Variants in RALYL observed in about 807,000 individuals in gnomAD.
RALYL encodes RNA-binding Raly-like protein.
A neutral mutation model predicts 35.1 loss-of-function variants in RALYL; 29 were observed. That is an observed-to-expected ratio of 0.83 (90% confidence interval 0.61 to 1.13). RALYL has a LOEUF of 1.13. RALYL is among the 50% of genes most tolerant of loss of function. The probability of loss-of-function intolerance (pLI) is 0.00; values close to 1 mark genes in which losing one functional copy is unlikely to be tolerated. For synonymous variants in RALYL, 120 were observed against 127.6 expected (o/e 0.94, Z 0.40); for missense variants, 359 against 360.4 (o/e 1.00, Z 0.03).
chr8:84,836,681 A>C (rs781623226), intron 4 of RALYL, among the ~76,000 whole-genome samples: 2 of 152,226 alleles, frequency 1.3e-5, no homozygotes, highest in Non-Finnish European at 2.9e-5. Context: ...GTTTAACTTT[A>C]GATACTCTGA....
intron 4 of RALYL, among the ~76,000 whole-genome samples, chr8:84,826,912 T>A (rs2134317552): frequency 6.6e-6 from 1 of 151,414 alleles, no homozygotes; most frequent in Admixed American, 6.6e-5. Context: ...CCAGAGAAAA[T>A]CAGATTTCCA....
intron 1 of RALYL, among the ~76,000 whole-genome samples, chr8:84,407,569 T>A (rs1235271395): frequency 6.6e-6 from 1 of 152,118 alleles, no homozygotes; most frequent in Admixed American, 6.6e-5. Context: ...ATACTTTACA[T>A]ATCTCTTGAG....
intron 4 of RALYL, among the ~76,000 whole-genome samples, chr8:84,825,300 A>G (rs1829426121): frequency 6.6e-6 from 1 of 152,108 alleles, no homozygotes; most frequent in Middle Eastern, 3.2e-3. Context: ...ATGAAATACC[A>G]TCTCACAGCA....
At chr8:84,463,998 T>C (rs2051167012) in intron 1 of RALYL, among the ~76,000 whole-genome samples, 1 of 152,068 alleles carries the variant, frequency 6.6e-6, no homozygotes, top group Non-Finnish European at 1.5e-5. Context: ...GTGGCTTCCT[T>C]CACTTGTCAT....
rs113901300 is a variant in RALYL at position 84,298,594 on chromosome 8, T to C, written c.-24+114170T>C. Among the ~76,000 whole-genome samples the C allele has an allele frequency of 4.2e-4, 64 of 152,130 alleles. 1 individual carries two copies. Among genetic ancestry groups the C allele is most frequent in the African/African-American group, 1.5e-3 (63 of 41,544 alleles). ...TAGTCTTTTCTAATTCAGTGAAAAA[T>C]GTCATTGGTGGGTTTGTTAGGAATA... On this transcript the variant is annotated intron_variant, in intron 1 of 8. Transcript: ENST00000521268.
chr8:84,842,063 G>A (rs930184491), intron 4 of RALYL, among the ~76,000 whole-genome samples: 4 of 152,062 alleles, frequency 2.6e-5, no homozygotes, highest in African/African-American at 9.7e-5. Flanking sequence ...AAGAACTAGA[G>A]AAGCAAGAGC....
intron 8 of RALYL, among the ~76,000 whole-genome samples, chr8:84,894,858 G>A (rs1487998037): frequency 1.3e-5 from 2 of 152,184 alleles, no homozygotes. Context: ...CTCTCCTGGA[G>A]GTTGGATGGC....
chr8:84,670,699 T>C (rs1295222087), intron 2 of RALYL, among the ~76,000 whole-genome samples: 2 of 152,132 alleles, frequency 1.3e-5, no homozygotes, highest in Non-Finnish European at 2.9e-5. Flanking sequence ...TTAATCACTA[T>C]CATGAGAACA....
intron 7 of RALYL, among the ~76,000 whole-genome samples, chr8:84,885,331 CCTT>C (rs1842780904): frequency 6.6e-6 from 1 of 151,978 alleles, no homozygotes; most frequent in Non-Finnish European, 1.5e-5. Context: ...CTCAGTTTTA[CCTT>C]CTTAAATTGG....
In RALYL at chr8:84,495,438, A is replaced by T. The variant is rs749231580; in HGVS notation, c.-23-33861A>T. ...TTATTAAAAGCCCAATTGATTTAAA[A>T]TTTTTTATTTTCTGTTTTAATTGTA... On this transcript the variant is annotated intron_variant, in intron 1 of 8. Transcript: ENST00000521268. 9.9e-4 allele frequency among the ~76,000 whole-genome samples: 150 copies of T among 152,156 alleles called. 3 individuals are homozygous for T. Among genetic ancestry groups the T allele is most frequent in the Non-Finnish European group, 3.7e-4 (25 of 67,964 alleles).
intron 2 of RALYL, among the ~76,000 whole-genome samples, chr8:84,531,279 G>A (rs1449618920): frequency 6.6e-6 from 1 of 152,064 alleles, no homozygotes; most frequent in Admixed American, 6.6e-5. Flanking sequence ...AAACTATTTG[G>A]GAAGGTATGA....
At chr8:84,318,065 T>G (rs2130263501) in intron 1 of RALYL, among the ~76,000 whole-genome samples, 1 of 152,344 alleles carries the variant, frequency 6.6e-6, no homozygotes, top group South Asian at 2.1e-4. Context: ...CATGTCTACC[T>G]TAATTTACTA....
intron 1 of RALYL, among the ~76,000 whole-genome samples, chr8:84,348,685 A>G (rs1279971758): frequency 1.3e-5 from 2 of 152,276 alleles, no homozygotes; most frequent in East Asian, 1.9e-4. Context: ...CTCAAAAGGT[A>G]TTCAATTTAA....
At chr8:84,802,744 G>T (rs773124452) in intron 3 of RALYL, among the ~76,000 whole-genome samples, 12 of 152,314 alleles carry the variant, frequency 7.9e-5, no homozygotes, top group Non-Finnish European at 1.6e-4. Flanking sequence ...CCCTAAAGTG[G>T]TGCAATGCAG....
intron 1 of RALYL, among the ~76,000 whole-genome samples, chr8:84,519,273 C>T (rs1205547390): frequency 6.6e-6 from 1 of 152,098 alleles, no homozygotes; most frequent in East Asian, 1.9e-4. Flanking sequence ...ATTTGCGGAT[C>T]TTATAATTTA....
rs748633517 is a variant in RALYL at position 84,352,492 on chromosome 8, C to G, written c.-24+168068C>G. Reference sequence around the variant, plus strand: ...GTAATATTCCTGAGAGTGTATACCACTTTTGTTCCTATTTTACAAATGAGG... The same window carrying G: ...GTAATATTCCTGAGAGTGTATACCAGTTTTGTTCCTATTTTACAAATGAGG... On this transcript the variant is annotated intron_variant, in intron 1 of 8. Transcript: ENST00000521268. 2.6e-4 allele frequency among the ~76,000 whole-genome samples: 39 copies of G among 150,364 alleles called. 2 individuals carry two copies. The highest frequency in any genetic ancestry group is 3.4e-3 in the Middle Eastern group (1 of 294).
At chr8:84,366,799 C>T (rs1379198817) in intron 1 of RALYL, among the ~76,000 whole-genome samples, 1 of 137,268 alleles carries the variant, frequency 7.3e-6, no homozygotes, top group Non-Finnish European at 1.5e-5. Flanking sequence ...AAAGGGTATC[C>T]TGGGAGTTTG....
At chr8:84,188,564 T>C (rs1477548482) in intron 1 of RALYL, among the ~76,000 whole-genome samples, 1 of 152,146 alleles carries the variant, frequency 6.6e-6, no homozygotes, top group Non-Finnish European at 1.5e-5. Flanking sequence ...TTTCATTTTA[T>C]TGGCAATAAC....
At chr8:84,238,120 A>G (rs1287793532) in intron 1 of RALYL, among the ~76,000 whole-genome samples, 1 of 152,160 alleles carries the variant, frequency 6.6e-6, no homozygotes, top group Non-Finnish European at 1.5e-5. Context: ...ATAAGCATAA[A>G]ATATTTTGTA....
Sources: allele counts gnomAD v4.1 joint callset (sites outside exome capture counted in the v4.1 genomes callset), GRCh38; gene constraint gnomAD v4.1.1; transcripts MANE v1.5; gene names NCBI Gene and HGNC (gene_info 2026-07-23, HGNC 2026-07-21).